LAMC3: variants seen among roughly 807,000 people sequenced by gnomAD.
LAMC3 encodes laminin subunit gamma-3.
In LAMC3, 128 loss-of-function variants were observed where a neutral mutation model predicts 173.8. The observed-to-expected ratio is 0.74, with a 90% CI of 0.64 to 0.85. The LOEUF is 0.85. Ranked by LOEUF, LAMC3 falls within the 40% of genes least tolerant of loss-of-function variation. LAMC3 has a pLI of 0.00. For synonymous variants in LAMC3, 897 were observed against 909.1 expected (o/e 0.99, Z 0.24); for missense variants, 2,022 against 2,156.0 (o/e 0.94, Z 1.23).
At position 131,068,379 on chromosome 9, in the gene LAMC3, G is replaced by A. The variant is rs574225808; in HGVS notation, c.2747+148G>A. On this transcript the variant is annotated intron_variant, in intron 15 of 27. Coordinates refer to ENST00000361069, the MANE Select transcript of LAMC3 (RefSeq NM_006059.4). Reference sequence around the variant, plus strand: ...GTGCCCTTTGCCGAAGGGGAGCAAAGGGATGGACTCTTGGCATCCGACTCA... The same window carrying A: ...GTGCCCTTTGCCGAAGGGGAGCAAAAGGATGGACTCTTGGCATCCGACTCA... 8.0e-5 allele frequency: 65 copies of A among 809,262 alleles called. No homozygotes were observed. In the East Asian group the frequency reaches 1.6e-3, roughly 20 times the overall value. The allele number at this position is 809,262 out of a possible 1,614,324, so 50.1% of individuals were successfully genotyped here.
intron 21 of LAMC3, among the ~76,000 whole-genome samples, chr9:131,076,922 A>G (rs989170005): frequency 1.3e-5 from 2 of 152,220 alleles, no homozygotes; most frequent in Admixed American, 1.3e-4. Flanking sequence ...CTTGAGTGGA[A>G]ACCAAGCAGA....
intron 8 of LAMC3, among the ~76,000 whole-genome samples, chr9:131,047,165 CT>C (rs398012456): frequency 0.034 from 3,446 of 102,148 alleles, 222 homozygotes; most frequent in Middle Eastern, 0.051. Flanking sequence ...CTGAATTCCT[CT>C]TTTTTTTTTT....
intron 2 of LAMC3, among the ~76,000 whole-genome samples, chr9:131,031,120 G>A (rs1235229708): frequency 1.3e-5 from 2 of 152,252 alleles, no homozygotes; most frequent in African/African-American, 4.8e-5. Context: ...GGAGCAGGAG[G>A]GCCGTCGGCC....
intron 1 of LAMC3, among the ~76,000 whole-genome samples, chr9:131,012,016 T>C (rs1354505707): frequency 6.6e-6 from 1 of 151,192 alleles, no homozygotes; most frequent in Non-Finnish European, 1.5e-5. Context: ...GCAAGGAACC[T>C]GAGAGCCTCC....
Position 131,052,658 on chromosome 9 carries a change from C to A in LAMC3, c.1798C>A (p.Pro600Thr), listed in dbSNP as rs771250530. The A allele has an allele frequency of 1.2e-6, 2 of 1,613,780 alleles. No individual in the cohort carries two copies. The highest frequency in any genetic ancestry group is 4.5e-5 in the East Asian group (2 of 44,868). Residue 600 changes from proline (P) to threonine (T), a missense_variant, in exon 10 of 28, where the codon CCC (proline) becomes ACC (threonine). Coordinates refer to ENST00000361069, the MANE Select transcript of LAMC3 (RefSeq NM_006059.4). Reference protein sequence around the residue: ...SLSGPQDAGHPREVELRFHLQ... With the variant: ...SLSGPQDAGHTREVELRFHLQ... ...GTCTGGCCCCCAGGATGCCGGGCAT[C>A]CCAGGGAGGTAGAGCTCAGGTTCCA... is the stretch of plus-strand genomic sequence containing the variant.
intron 7 of LAMC3, 102 bp from the exon 8 acceptor site, chr9:131,045,422 C>G (rs1834136361): frequency 7.5e-7 from 1 of 1,339,470 alleles, no homozygotes. Flanking sequence ...TAAGTTTCTG[C>G]AGTGATTCTA....
intron 22 of LAMC3, among the ~76,000 whole-genome samples, chr9:131,078,504 C>T (rs901539240): frequency 1.3e-4 from 19 of 150,872 alleles, no homozygotes; most frequent in African/African-American, 4.4e-4. Context: ...CAAAACAAAA[C>T]AAAAAAAACT....
chr9:131,010,069 G>A (rs972846587), intron 1 of LAMC3, among the ~76,000 whole-genome samples: 8 of 148,178 alleles, frequency 5.4e-5, no homozygotes, highest in African/African-American at 1.8e-4. Flanking sequence ...CAGGAGAATC[G>A]CTTGAACCCG....
intron 18 of LAMC3, among the ~76,000 whole-genome samples, chr9:131,072,067 G>A (rs1318843279): frequency 6.9e-6 from 1 of 145,344 alleles, no homozygotes; most frequent in African/African-American, 2.5e-5. Flanking sequence ...GCCAAGACAG[G>A]AGGATTGCCT....
chr9:131,060,112 G>A (rs1388701110), intron 12 of LAMC3, among the ~76,000 whole-genome samples: 2 of 152,182 alleles, frequency 1.3e-5, no homozygotes, highest in African/African-American at 4.8e-5. Context: ...ACCGTCATCA[G>A]GAGCCAGAGG....
At chr9:131,030,961 G>A (rs1327191537) in intron 2 of LAMC3, among the ~76,000 whole-genome samples, 1 of 152,250 alleles carries the variant, frequency 6.6e-6, no homozygotes, top group African/African-American at 2.4e-5. Context: ...ATCCTGGGGT[G>A]ATCCAGGCCT....
Position 131,071,554 on chromosome 9 carries a change from G to T in LAMC3, c.3140G>T (p.Trp1047Leu), listed in dbSNP as rs142014404. The T allele has an allele frequency of 1.2e-4, 191 of 1,613,114 alleles. No individual in the cohort carries two copies. The highest frequency in any genetic ancestry group is 1.5e-4 in the Non-Finnish European group (180 of 1,179,598). ...CAAGGGTCCGACTGTGGCAGTCCCT[G>T]GGGACCACTAGACATTCTGCTGGGA... ...WLQGSDCGSPWGPLDILLGEA... is the reference protein window; with the variant it reads ...WLQGSDCGSPLGPLDILLGEA... The change falls in exon 18 of 28, where the codon TGG (tryptophan) becomes TTG (leucine). Residue 1047 changes from tryptophan to leucine, a missense_variant. Coordinates refer to ENST00000361069, the MANE Select transcript of LAMC3 (RefSeq NM_006059.4).
rs1829904417 is a variant in LAMC3 at position 131,065,041 on chromosome 9, A to AC, written c.2348-1919_2348-1918insC. Among the ~76,000 whole-genome samples the AC allele has an allele frequency of 2.8e-5, 3 of 107,718 alleles. No individual in the cohort carries two copies. The Admixed American group carries it at 2.9e-4, about 11-fold the overall frequency. 70.7% of individuals were successfully genotyped at this position (107,718 alleles called of 152,430 possible). On this transcript the variant is annotated intron_variant, in intron 13 of 27. Transcript: ENST00000361069. ...GGGCAACAGAACAAGACTCCATCTA[A>AC]AAAAAAAAAAAAAAAAAAGAAAAGG...
At chr9:131,081,930 G>A (rs1830250216) in intron 23 of LAMC3, 129 bp from the exon 24 acceptor site, 1 of 706,850 alleles carries the variant, frequency 1.4e-6, no homozygotes, top group African/African-American at 1.7e-5. Flanking sequence ...CTGGTGGACA[G>A]CGTGACCCAG....
intron 22 of LAMC3, among the ~76,000 whole-genome samples, chr9:131,077,923 G>C (rs1398657655): frequency 6.6e-6 from 1 of 152,084 alleles, no homozygotes; most frequent in Non-Finnish European, 1.5e-5. Context: ...TCATCAGATG[G>C]ACACGGGATG....
chr9:131,052,722 GA>G (rs1406905080), intron 10 of LAMC3, 39 bp downstream of exon 10: 1 of 1,578,612 alleles, frequency 6.3e-7, no homozygotes. Flanking sequence ...GGGGAGGTGA[GA>G]GGGGTGGTCT....
At chr9:131,079,351 G>C (rs1830194151) in intron 23 of LAMC3, 53 bp downstream of exon 23, 1 of 1,607,422 alleles carries the variant, frequency 6.2e-7, no homozygotes, top group Admixed American at 1.7e-5. Flanking sequence ...GGGCTACCCT[G>C]AAGGTGATCC....
chr9:131,067,314 C>T, intron 14 of LAMC3, 109 bp downstream of exon 14: 2 of 1,437,988 alleles, frequency 1.4e-6, no homozygotes, highest in South Asian at 2.3e-5. Context: ...AACCAGCTGG[C>T]TCCTCTGCAA....
chr9:131,074,016 G>A (rs1479374707), intron 20 of LAMC3, among the ~76,000 whole-genome samples: 5 of 145,436 alleles, frequency 3.4e-5, no homozygotes, highest in Non-Finnish European at 7.4e-5. Context: ...GCGCTATCTC[G>A]GCTCACTGCA....
Sources: gnomAD v4.1 joint callset for allele counts (sites outside exome capture counted in the v4.1 genomes callset) on GRCh38, gnomAD v4.1.1 for gene constraint, MANE v1.5 for transcripts, NCBI Gene and HGNC (gene_info 2026-07-23, HGNC 2026-07-21) for gene names.